Variants in THADA observed in about 807,000 individuals in gnomAD.
The protein encoded by THADA is tRNA (32-2'-O)-methyltransferase regulator THADA.
THADA carries 213 observed loss-of-function variants against 219.8 expected under a neutral mutation model. That is an observed-to-expected ratio of 0.97 (90% CI 0.87 to 1.09). The LOEUF (loss-of-function observed/expected upper bound fraction) is 1.09. Ranked by LOEUF, THADA falls within the 50% of genes least tolerant of loss-of-function variation. The probability of loss-of-function intolerance (pLI) is 0.00; values close to 1 mark genes in which losing one functional copy is unlikely to be tolerated. For missense variants in THADA, 2,956 were observed against 2,311.3 expected (o/e 1.28, Z -5.72); for synonymous variants, 1,018 against 828.9 (o/e 1.23, Z -3.92).
At chr2:43,553,475 G>A (rs1169177517) in intron 17 of THADA, among the ~76,000 whole-genome samples, 1 of 152,202 alleles carries the variant, frequency 6.6e-6, no homozygotes, top group African/African-American at 2.4e-5. Context: ...TGAGCACACA[G>A]CAACATGGCC....
At position 43,574,845 on chromosome 2, in the gene THADA, A is replaced by G. The variant is rs936713955; in HGVS notation, c.1220T>C (p.Leu407Pro). ...YTHWEHPLDALRHQTKIMFKN... is the reference protein window; with the variant it reads ...YTHWEHPLDAPRHQTKIMFKN... ...GAACATGATTTTGGTTTGGTGTCTC[A>G]GAGCATCCAATGGATGTTCCCAATG... Residue 407 changes from leucine to proline, a missense_variant, in exon 11 of 38, where the codon CTG (leucine) becomes CCG (proline). Physicochemically the swap from Leu to Pro is moderately conservative, Grantham distance 98 (BLOSUM62 -3). Coordinates refer to ENST00000405975, the MANE Select transcript of THADA (RefSeq NM_022065.5). 1.9e-6 allele frequency: 3 copies of G among 1,613,892 alleles called. No individual in the cohort carries two copies. The highest frequency in any genetic ancestry group is 3.3e-5 in the Admixed American group (2 of 59,998).
At chr2:43,272,766 A>G (rs1672279814) in intron 36 of THADA, among the ~76,000 whole-genome samples, 1 of 151,594 alleles carries the variant, frequency 6.6e-6, no homozygotes, top group South Asian at 2.1e-4. Context: ...CTGGAACCAC[A>G]GGCATGCACC....
At chr2:43,236,464 T>G (rs182655830) in intron 36 of THADA, among the ~76,000 whole-genome samples, 1 of 152,264 alleles carries the variant, frequency 6.6e-6, no homozygotes, top group Admixed American at 6.5e-5. Flanking sequence ...GGGAGAGGAA[T>G]TTGTCACTTA....
intron 26 of THADA, among the ~76,000 whole-genome samples, chr2:43,479,509 AGAGTT>A (rs1685929097): frequency 6.6e-6 from 1 of 152,188 alleles, no homozygotes; most frequent in South Asian, 2.1e-4. Flanking sequence ...CTCTAGAGAA[AGAGTT>A]AAGTCTAGAG....
At chr2:43,358,099 G>A (rs139725817) in intron 29 of THADA, among the ~76,000 whole-genome samples, 3 of 151,968 alleles carry the variant, frequency 2.0e-5, no homozygotes, top group Non-Finnish European at 4.4e-5. Flanking sequence ...TTCTACACAC[G>A]TCCACTTGGT....
chr2:43,488,581 A>C (rs1253531408), intron 25 of THADA, among the ~76,000 whole-genome samples: 1 of 152,154 alleles, frequency 6.6e-6, no homozygotes, highest in East Asian at 1.9e-4. Context: ...TCTGTTCTTC[A>C]TTTGACGGAC....
At chr2:43,380,521 G>T (rs1033987767) in intron 29 of THADA, among the ~76,000 whole-genome samples, 1 of 152,216 alleles carries the variant, frequency 6.6e-6, no homozygotes, top group African/African-American at 2.4e-5. Context: ...AAAGACGTCA[G>T]TATGAACTCT....
rs370424686 is a variant in THADA, at chr2:43,279,808, G to A, written c.5253C>T (p.Thr1751=). The stretch of plus-strand genomic sequence containing the variant: ...TTTCTTGTGACATGGCAGTTGTCAC[G>A]GTTTCCGTGGCTGCATCTCTAACAG... ...EQAVRDAATE[T]VTTAMSQENT... is the part of the protein sequence containing the mutation. Residue 1751 remains threonine, a synonymous_variant, in exon 36 of 38, where the codon ACC becomes ACT. Coordinates refer to ENST00000405975, the MANE Select transcript of THADA (RefSeq NM_022065.5). 12 of 1,554,974 alleles carry A rather than the reference G, an allele frequency of 7.7e-6. No individual in the cohort carries two copies. Among genetic ancestry groups the A allele is most frequent in the East Asian group, 2.4e-5 (1 of 42,076 alleles).
At chr2:43,420,032 A>C (rs1677495705) in intron 28 of THADA, among the ~76,000 whole-genome samples, 1 of 152,192 alleles carries the variant, frequency 6.6e-6, no homozygotes, top group Non-Finnish European at 1.5e-5. Flanking sequence ...TGAATCATAA[A>C]ACTCTCCATC....
At chr2:43,373,979 T>C (rs972439295) in intron 29 of THADA, among the ~76,000 whole-genome samples, 1 of 152,236 alleles carries the variant, frequency 6.6e-6, no homozygotes, top group African/African-American at 2.4e-5. Context: ...ACTTTAACAA[T>C]GTCAGTTTTC....
chr2:43,389,170 G>A (rs1402540212), intron 29 of THADA, among the ~76,000 whole-genome samples: 1 of 152,196 alleles, frequency 6.6e-6, no homozygotes, highest in Non-Finnish European at 1.5e-5. Flanking sequence ...CTAGTAAGCA[G>A]CAGAGCTAGG....
chr2:43,535,554 G>A (rs1694462361), intron 21 of THADA, among the ~76,000 whole-genome samples: 1 of 150,592 alleles, frequency 6.6e-6, no homozygotes, highest in South Asian at 2.1e-4. Context: ...GGTGGCACAT[G>A]CTTGTAATCG....
intron 3 of THADA, among the ~76,000 whole-genome samples, chr2:43,591,733 C>T (rs1701594736): frequency 6.6e-6 from 1 of 152,118 alleles, no homozygotes; most frequent in African/African-American, 2.4e-5. Flanking sequence ...TCTACCTTAT[C>T]TGTTTACAGT....
rs932188296 is a variant in THADA at position 43,273,157 on chromosome 2, G to T, written c.5296+6608C>A. Among the ~76,000 whole-genome samples, 22 of 151,862 alleles carry T rather than the reference G, an allele frequency of 1.4e-4. 1 individual carries two copies. The highest frequency in any genetic ancestry group is 4.8e-4 in the African/African-American group (20 of 41,356). ...CCAGCTACTCAGGAGGCTGAGGCAGGACAATCGCTTGAACCCGGGAGGCGG... is the reference window on the plus strand; with the variant it reads ...CCAGCTACTCAGGAGGCTGAGGCAGTACAATCGCTTGAACCCGGGAGGCGG... On this transcript the variant is annotated intron_variant, in intron 36 of 37. Transcript: ENST00000405975.
chr2:43,520,741 CACAT>C (rs201205193), intron 22 of THADA, among the ~76,000 whole-genome samples: 80 of 147,320 alleles, frequency 5.4e-4, no homozygotes, highest in African/African-American at 8.0e-4. Context: ...CACACACACA[CACAT>C]ATATATCAAC....
chr2:43,254,073 G>T (rs1670073867), intron 36 of THADA, among the ~76,000 whole-genome samples: 1 of 151,802 alleles, frequency 6.6e-6, no homozygotes, highest in African/African-American at 2.4e-5. Flanking sequence ...ACAGGTTCCA[G>T]GCCTATCCCT....
Position 43,487,974 on chromosome 2 carries a change from T to C in THADA, c.3745-2649A>G, listed in dbSNP as rs555611190. Among the ~76,000 whole-genome samples, 20 of 152,366 alleles carry C rather than the reference T, an allele frequency of 1.3e-4. No individual in the cohort carries two copies. The South Asian group carries it at 3.7e-3, about 28-fold the overall frequency. On this transcript the variant is annotated intron_variant, in intron 25 of 37. Transcript: ENST00000405975. Reference sequence around the variant, plus strand: ...TAGGTGCAGCAAAATCACGATATTCTATAGGCCTTCTGCATTAATCATTTA... The same window carrying C: ...TAGGTGCAGCAAAATCACGATATTCCATAGGCCTTCTGCATTAATCATTTA...
Position 43,344,174 on chromosome 2 carries a change from C to T in THADA, c.4291G>A (p.Glu1431Lys), listed in dbSNP as rs746487271. ...KHGTNSDFQHELTDITVCTKA... is the reference protein window; with the variant it reads ...KHGTNSDFQHKLTDITVCTKA... ...GTACAAACAGTGATGTCAGTCAGCT[C>T]GTGCTGGAAGTCTGAATTCGTTCCG... Residue 1431 changes from glutamate to lysine, a missense_variant, in exon 30 of 38, where the codon GAG becomes AAG. Glu to Lys is a moderately conservative substitution (Grantham distance 56). Coordinates refer to ENST00000405975, the MANE Select transcript of THADA (RefSeq NM_022065.5). The T allele has an allele frequency of 2.7e-5, 43 of 1,612,504 alleles. No individual in the cohort carries two copies. Among genetic ancestry groups the T allele is most frequent in the Middle Eastern group, 1.6e-4 (1 of 6,084 alleles).
chr2:43,387,617 T>G (rs1202271509), intron 29 of THADA, among the ~76,000 whole-genome samples: 1 of 152,042 alleles, frequency 6.6e-6, no homozygotes, highest in Admixed American at 6.5e-5. Flanking sequence ...ATAGGTACCA[T>G]GGAACAAAGG....
Sources: allele counts gnomAD v4.1 joint callset (sites outside exome capture counted in the v4.1 genomes callset), GRCh38; gene constraint gnomAD v4.1.1; transcripts MANE v1.5; gene names NCBI Gene and HGNC (gene_info 2026-07-23, HGNC 2026-07-21).